The following UBE2K variants were observed in gnomAD, a reference collection of about 807,000 sequenced individuals.
UBE2K encodes the protein ubiquitin-conjugating enzyme E2 K.
Under a neutral mutation model 30.0 loss-of-function variants are expected in UBE2K, and 6 were observed. That is an observed-to-expected ratio of 0.20 (90% confidence interval 0.11 to 0.39). UBE2K has a LOEUF of 0.39. Ranked by LOEUF, UBE2K falls within the 10% of genes least tolerant of loss-of-function variation. The pLI, the probability that UBE2K is intolerant of heterozygous loss-of-function variation, is 1.00. For missense variants in UBE2K, 61 were observed against 241.6 expected (o/e 0.25, Z 4.96); for synonymous variants, 86 against 83.7 (o/e 1.03, Z -0.15).
At chr4:39,763,459 C>A (rs1402069445) in intron 4 of UBE2K, among the ~76,000 whole-genome samples, 1 of 151,958 alleles carries the variant, frequency 6.6e-6, no homozygotes, top group Admixed American at 6.6e-5. Flanking sequence ...CCATGTTGGT[C>A]AGGCTGGTCT....
intron 3 of UBE2K, among the ~76,000 whole-genome samples, chr4:39,749,400 C>T (rs1042820500): frequency 2.0e-5 from 3 of 152,082 alleles, no homozygotes; most frequent in Non-Finnish European, 2.9e-5. Context: ...GTGGTTTGCT[C>T]GCCTGTAATC....
At chr4:39,709,663 CT>C (rs746148756) in intron 1 of UBE2K, among the ~76,000 whole-genome samples, 4 of 151,992 alleles carry the variant, frequency 2.6e-5, no homozygotes, top group Admixed American at 1.3e-4. Context: ...AACGTGTCCC[CT>C]GTGGATAAGA....
At chr4:39,744,987 CTT>C (rs35183095) in intron 2 of UBE2K, among the ~76,000 whole-genome samples, 27,776 of 150,812 alleles carry the variant, frequency 0.18, 4,541 homozygotes, top group African/African-American at 0.44. Context: ...GTCTATCTCT[CTT>C]GTTGAATTTT....
intron 1 of UBE2K, among the ~76,000 whole-genome samples, chr4:39,709,766 C>T (rs780214901): frequency 2.6e-5 from 4 of 151,894 alleles, no homozygotes; most frequent in Non-Finnish European, 5.9e-5. Context: ...ATAAATCGTT[C>T]AAAGTTTGTG....
intron 1 of UBE2K, among the ~76,000 whole-genome samples, chr4:39,733,712 A>G (rs1720203591): frequency 6.6e-6 from 1 of 152,210 alleles, no homozygotes; most frequent in Non-Finnish European, 1.5e-5. Flanking sequence ...CTTAATTCTG[A>G]AAGTATTCTC....
intron 1 of UBE2K, among the ~76,000 whole-genome samples, chr4:39,715,807 C>T (rs1050892399): frequency 6.6e-6 from 1 of 152,128 alleles, no homozygotes; most frequent in African/African-American, 2.4e-5. Context: ...GTTGGCCTGA[C>T]CTCCTGCTCT....
rs112499784 is a variant in UBE2K at position 39,727,670 on chromosome 4, G to A, written c.64-9750G>A. The stretch of plus-strand genomic sequence containing the variant: ...CCATCTCCACCACCCAAAGAGCTGG[G>A]ATTACAGGTGTGAGCCACTGTGCCT... On this transcript the variant is annotated intron_variant, in intron 1 of 6. Transcript: ENST00000261427. Among the ~76,000 whole-genome samples, 1,034 of 152,102 alleles carry A rather than the reference G, an allele frequency of 6.8e-3. 8 individuals carry two copies. The highest frequency in any genetic ancestry group is 0.012 in the Non-Finnish European group (805 of 67,982).
chr4:39,706,674 T>A (rs1281697154), intron 1 of UBE2K, among the ~76,000 whole-genome samples: 1 of 151,814 alleles, frequency 6.6e-6, no homozygotes, highest in Non-Finnish European at 1.5e-5. Flanking sequence ...TTTTATGATG[T>A]TGGCCAGGCT....
intron 1 of UBE2K, among the ~76,000 whole-genome samples, chr4:39,717,519 A>G (rs1350328143): frequency 2.6e-5 from 4 of 151,698 alleles, no homozygotes; most frequent in Admixed American, 6.6e-5. Context: ...GTGAGCCACC[A>G]CGCCCAGCCT....
chr4:39,759,369 C>T (rs550495754), intron 4 of UBE2K, among the ~76,000 whole-genome samples: 15 of 152,246 alleles, frequency 9.9e-5, no homozygotes, highest in African/African-American at 3.4e-4. Context: ...CTCCGCCTCC[C>T]GGGCTCAAGC....
At chr4:39,769,831 C>T (rs138131894) in intron 4 of UBE2K, among the ~76,000 whole-genome samples, 69 of 152,266 alleles carry the variant, frequency 4.5e-4, no homozygotes, top group African/African-American at 1.7e-3. Flanking sequence ...AAATCTTTCT[C>T]TGGGACCCCG....
In UBE2K at chr4:39,738,439, T is replaced by C. The variant is rs958838694; in HGVS notation, c.157+926T>C. Among the ~76,000 whole-genome samples, 3 of 152,344 alleles carry C rather than the reference T, an allele frequency of 2.0e-5. No homozygotes were observed. In the South Asian group the frequency reaches 6.2e-4, roughly 32 times the overall value. ...TCAAAGCCTGTGCTTTTAATCACTT[T>C]ATGTAAATCAGAATTGACTTAATAT... On this transcript the variant is annotated intron_variant, in intron 2 of 6. Transcript: ENST00000261427.
At chr4:39,760,183 AAAAAAAAAACAG>A (rs1711818402) in intron 4 of UBE2K, among the ~76,000 whole-genome samples, 2 of 92,022 alleles carry the variant, frequency 2.2e-5, no homozygotes, top group African/African-American at 8.9e-5. Context: ...TCACAAAAAA[AAAAAAAAAACAG>A]AAAAAAAAAA....
At chr4:39,752,954 G>A (rs1721347045) in intron 3 of UBE2K, among the ~76,000 whole-genome samples, 1 of 152,128 alleles carries the variant, frequency 6.6e-6, no homozygotes, top group Admixed American at 6.6e-5. Flanking sequence ...CAGAAGGTTA[G>A]GACTGCAGTG....
At chr4:39,725,445 C>G (rs1719700922) in intron 1 of UBE2K, among the ~76,000 whole-genome samples, 1 of 142,158 alleles carries the variant, frequency 7.0e-6, no homozygotes, top group Non-Finnish European at 1.5e-5. Flanking sequence ...CTGTTGTAGT[C>G]TTTTAGTGAA....
chr4:39,707,667 G>A (rs1303165347), intron 1 of UBE2K, among the ~76,000 whole-genome samples: 1 of 151,148 alleles, frequency 6.6e-6, no homozygotes, highest in East Asian at 1.9e-4. Flanking sequence ...GACTACAGGT[G>A]TGTGCCACCA....
intron 4 of UBE2K, among the ~76,000 whole-genome samples, chr4:39,761,777 T>C (rs1365882049): frequency 6.6e-6 from 1 of 152,216 alleles, no homozygotes; most frequent in South Asian, 2.1e-4. Context: ...TATATACTTT[T>C]TCACATTACT....
intron 2 of UBE2K, among the ~76,000 whole-genome samples, chr4:39,739,572 G>T (rs6818053): frequency 2.7e-5 from 4 of 148,368 alleles, no homozygotes; most frequent in African/African-American, 1.0e-4. Flanking sequence ...TCAGCCTCCC[G>T]AGTAGCTGGT....
At chr4:39,739,070 C>T (rs928523362) in intron 2 of UBE2K, among the ~76,000 whole-genome samples, 15 of 151,510 alleles carry the variant, frequency 9.9e-5, no homozygotes, top group African/African-American at 2.7e-4. Context: ...CTCTGTTGCC[C>T]AGCCTGGAGT....
Sources: allele counts gnomAD v4.1 joint callset (sites outside exome capture counted in the v4.1 genomes callset), GRCh38; gene constraint gnomAD v4.1.1; transcripts MANE v1.5; gene names NCBI Gene and HGNC (gene_info 2026-07-23, HGNC 2026-07-21).